Variants in ST18 observed in about 807,000 individuals in gnomAD.
The protein encoded by ST18 is ST18 C2H2C-type zinc finger transcription factor, also known as suppression of tumorigenicity 18 protein.
Under a neutral mutation model 110.0 loss-of-function variants are expected in ST18, and 50 were observed. The ratio of observed to expected loss-of-function variants is 0.45; its 90% CI spans 0.36 to 0.58. The LOEUF is 0.58. Among genes scored for constraint, ST18 ranks in the 20% least tolerant of loss-of-function variants. The probability of loss-of-function intolerance (pLI) is 0.00; values close to 1 mark genes in which losing one functional copy is unlikely to be tolerated. For missense variants in ST18, 1,306 were observed against 1,280.1 expected, an observed-to-expected ratio of 1.02 and a Z score of -0.31; for synonymous variants, 461 against 452.4, an observed-to-expected ratio of 1.02 and a Z score of -0.24.
intron 2 of ST18, among the ~76,000 whole-genome samples, chr8:52,370,077 G>A (rs7000124): frequency 0.011 from 1,708 of 152,336 alleles, 28 homozygotes; most frequent in African/African-American, 0.04. Context: ...TTAGCTGTGA[G>A]AGCTCATGCT....
chr8:52,210,562 G>A (rs1413838119), intron 8 of ST18, among the ~76,000 whole-genome samples: 3 of 152,098 alleles, frequency 2.0e-5, no homozygotes, highest in Non-Finnish European at 4.4e-5. Context: ...AGAGGCTGAG[G>A]CAGGAGGATT....
At chr8:52,338,138 A>G (rs1813025753) in intron 2 of ST18, among the ~76,000 whole-genome samples, 1 of 152,034 alleles carries the variant, frequency 6.6e-6, no homozygotes, top group South Asian at 2.1e-4. Flanking sequence ...GGCTCACTGC[A>G]ACCTCCAACT....
chr8:52,340,908 C>T (rs1349401424), intron 2 of ST18, among the ~76,000 whole-genome samples: 1 of 152,160 alleles, frequency 6.6e-6, no homozygotes. Context: ...AAACGTTTCA[C>T]AAAAGAACTT....
rs867975288 is a variant in ST18 at position 52,163,982 on chromosome 8, A to G, written c.1400+4T>C. The G allele has an allele frequency of 6.2e-7, 1 of 1,612,130 alleles. No homozygotes were observed. ...GCACTGAGAACATCGTTAGGGGTTC[A>G]TACCTGTGGGCCTGGTCAGGACACT... On this transcript the variant is annotated splice_donor_region_variant and intron_variant, in intron 13 of 25. Coordinates refer to ENST00000689386, the MANE Select transcript of ST18 (RefSeq NM_001352837.2).
At chr8:52,218,059 A>G (rs1412667953) in intron 5 of ST18, among the ~76,000 whole-genome samples, 158 bp from the exon 6 acceptor site, 1 of 152,202 alleles carries the variant, frequency 6.6e-6, no homozygotes, top group Non-Finnish European at 1.5e-5. Context: ...CTAATGGCAA[A>G]TAAAACAAAA....
At chr8:52,367,703 A>G (rs1208162194) in intron 2 of ST18, among the ~76,000 whole-genome samples, 1 of 152,204 alleles carries the variant, frequency 6.6e-6, no homozygotes, top group East Asian at 1.9e-4. Flanking sequence ...CTTGGACCTT[A>G]TTGCGACCAA....
At chr8:52,257,823 T>G (rs1222179055) in intron 2 of ST18, among the ~76,000 whole-genome samples, 1 of 148,852 alleles carries the variant, frequency 6.7e-6, no homozygotes, top group Non-Finnish European at 1.5e-5. Flanking sequence ...TAATTATTTG[T>G]GCTTTGGTGT....
chr8:52,250,791 T>A (rs1189293112), intron 2 of ST18, among the ~76,000 whole-genome samples: 1 of 151,896 alleles, frequency 6.6e-6, no homozygotes, highest in Non-Finnish European at 1.5e-5. Flanking sequence ...AAAGGTGAGC[T>A]ATACATTTCT....
chr8:52,302,108 T>A (rs1408359223), intron 2 of ST18, among the ~76,000 whole-genome samples: 3 of 152,176 alleles, frequency 2.0e-5, no homozygotes, highest in Non-Finnish European at 4.4e-5. Context: ...GAGGAAGGCA[T>A]CCACATGGGT....
intron 2 of ST18, among the ~76,000 whole-genome samples, chr8:52,361,256 C>T (rs1046645806): frequency 1.3e-5 from 2 of 152,092 alleles, no homozygotes; most frequent in African/African-American, 4.8e-5. Flanking sequence ...AAACAAGAAG[C>T]AAGAAGTGGA....
intron 17 of ST18, among the ~76,000 whole-genome samples, chr8:52,142,249 G>T (rs1003174886): frequency 6.6e-6 from 1 of 152,168 alleles, no homozygotes; most frequent in African/African-American, 2.4e-5. Flanking sequence ...GGGAGACAGA[G>T]AATCCAGGTG....
chr8:52,381,106 T>C (rs11995421), intron 2 of ST18, among the ~76,000 whole-genome samples: 145,237 of 152,288 alleles, frequency 0.95, 69,631 homozygotes, highest in East Asian at 1. Context: ...CTTTTCTTCT[T>C]GCTGAAGCCT....
At chr8:52,343,370 A>G (rs1427067123) in intron 2 of ST18, among the ~76,000 whole-genome samples, 2 of 152,198 alleles carry the variant, frequency 1.3e-5, no homozygotes, top group Non-Finnish European at 2.9e-5. Context: ...TTCCTACTTT[A>G]TATGAGGTGA....
chr8:52,167,921 A>T (rs1195428656), intron 10 of ST18, among the ~76,000 whole-genome samples: 1 of 152,120 alleles, frequency 6.6e-6, no homozygotes, highest in Non-Finnish European at 1.5e-5. Context: ...CCACAACTTA[A>T]AAAGTTATAT....
chr8:52,274,694 T>A (rs1315126470), intron 2 of ST18, among the ~76,000 whole-genome samples: 2 of 152,204 alleles, frequency 1.3e-5, no homozygotes, highest in African/African-American at 4.8e-5. Context: ...TTGCACATAG[T>A]TTTGATATGC....
At chr8:52,164,273 C>T (rs2062255024) in intron 12 of ST18, among the ~76,000 whole-genome samples, 183 bp from the exon 13 acceptor site, 1 of 152,168 alleles carries the variant, frequency 6.6e-6, no homozygotes, top group Non-Finnish European at 1.5e-5. Flanking sequence ...AACACTTGCT[C>T]CCATCCCCAT....
At chr8:52,366,444 C>A (rs1213040643) in intron 2 of ST18, among the ~76,000 whole-genome samples, 1 of 152,188 alleles carries the variant, frequency 6.6e-6, no homozygotes, top group African/African-American at 2.4e-5. Context: ...GTCTTTCCAG[C>A]CTCACTGCCC....
At chr8:52,288,803 A>C (rs1410560125) in intron 2 of ST18, among the ~76,000 whole-genome samples, 2 of 152,198 alleles carry the variant, frequency 1.3e-5, no homozygotes, top group African/African-American at 2.4e-5. Context: ...CATCAAAAAA[A>C]TCATCAAAAA....
At chr8:52,352,516 CTT>C (rs995103331) in intron 2 of ST18, among the ~76,000 whole-genome samples, 5 of 152,140 alleles carry the variant, frequency 3.3e-5, no homozygotes, top group African/African-American at 1.2e-4. Context: ...ATATTTATGA[CTT>C]TATTTTAAGT....
Sources: allele counts gnomAD v4.1 joint callset (sites outside exome capture counted in the v4.1 genomes callset), GRCh38; gene constraint gnomAD v4.1.1; transcripts MANE v1.5; gene names NCBI Gene and HGNC (gene_info 2026-07-23, HGNC 2026-07-21).